The following RBMS3 variants were observed in gnomAD, a reference collection of about 807,000 sequenced individuals.
RBMS3 encodes the protein RNA binding motif single stranded interacting protein 3, also known as RNA-binding motif, single-stranded-interacting protein 3.
RBMS3 carries 27 observed loss-of-function variants against 66.8 expected under a neutral mutation model. The observed-to-expected ratio is 0.40, with a 90% CI of 0.30 to 0.56. RBMS3 has a LOEUF of 0.56. RBMS3 is among the 20% of genes least tolerant of loss of function. The pLI, the probability that RBMS3 is intolerant of heterozygous loss-of-function variation, is 0.40. For synonymous variants in RBMS3, 188 were observed against 183.0 expected, an observed-to-expected ratio of 1.03 and a Z score of -0.22; for missense variants, 513 against 549.5, an observed-to-expected ratio of 0.93 and a Z score of 0.66.
chr3:29,911,955 G>T (rs990134273), intron 10 of RBMS3, among the ~76,000 whole-genome samples: 2 of 151,732 alleles, frequency 1.3e-5, no homozygotes, highest in Non-Finnish European at 2.9e-5. Context: ...TCACATGATA[G>T]AAAAATGGAG....
At chr3:29,455,327 T>C (rs2042149870) in intron 2 of RBMS3, among the ~76,000 whole-genome samples, 1 of 152,214 alleles carries the variant, frequency 6.6e-6, no homozygotes, top group South Asian at 2.1e-4. Flanking sequence ...TTAAATTGTA[T>C]AGTAAATAAA....
At chr3:29,669,183 G>C (rs1057243300) in intron 4 of RBMS3, among the ~76,000 whole-genome samples, 2 of 152,232 alleles carry the variant, frequency 1.3e-5, no homozygotes, top group African/African-American at 4.8e-5. Flanking sequence ...CCTCATGGGA[G>C]AGACCAAAGC....
chr3:30,009,922 C>T lies in RBMS3; in HGVS notation c.*6060C>T, dbSNP rs1052456213. ...TAAGTTATTCCATGCTTTTCAGGAACTGTAAAAATTATTTCAAAAAGATAT... is the reference window on the plus strand; with the variant it reads ...TAAGTTATTCCATGCTTTTCAGGAATTGTAAAAATTATTTCAAAAAGATAT... On this transcript the variant is annotated 3_prime_UTR_variant, in exon 15 of 15. Coordinates refer to ENST00000383767, the MANE Select transcript of RBMS3 (RefSeq NM_001003793.3). The T allele has an allele frequency of 3.3e-5, 5 of 151,410 alleles. No individual in the cohort carries two copies. Among genetic ancestry groups the T allele is most frequent in the Admixed American group, 1.3e-4 (2 of 15,132 alleles). 9.4% of individuals were successfully genotyped at this position (151,410 alleles called of 1,614,324 possible). A position where few individuals can be genotyped will look rare whatever the true frequency, so the allele number is the denominator to read the frequency against.
At chr3:29,703,575 A>T (rs934360554) in intron 4 of RBMS3, among the ~76,000 whole-genome samples, 1 of 152,214 alleles carries the variant, frequency 6.6e-6, no homozygotes, top group East Asian at 1.9e-4. Flanking sequence ...GTAGGTCTAA[A>T]GTTCTACCCT....
At chr3:29,671,558 C>G (rs539895543) in intron 4 of RBMS3, among the ~76,000 whole-genome samples, 131 of 152,266 alleles carry the variant, frequency 8.6e-4, no homozygotes, top group African/African-American at 2.8e-3. Context: ...GAATGGCTAA[C>G]TAGAATAAAC....
chr3:29,499,444 C>T (rs2043882449), intron 3 of RBMS3, among the ~76,000 whole-genome samples: 1 of 152,138 alleles, frequency 6.6e-6, no homozygotes, highest in Non-Finnish European at 1.5e-5. Flanking sequence ...GGTGAATGTA[C>T]CACTTGATAT....
chr3:29,819,985 A>C (rs1459630079), intron 6 of RBMS3, among the ~76,000 whole-genome samples: 1 of 152,048 alleles, frequency 6.6e-6, no homozygotes, highest in African/African-American at 2.4e-5. Flanking sequence ...ACTTGAGTCC[A>C]GGAGTTTGAG....
chr3:29,799,140 G>T (rs928631673), intron 6 of RBMS3, among the ~76,000 whole-genome samples: 3 of 152,070 alleles, frequency 2.0e-5, no homozygotes, highest in African/African-American at 7.2e-5. Flanking sequence ...TCCATAAATG[G>T]AGTTGACCTA....
intron 4 of RBMS3, among the ~76,000 whole-genome samples, chr3:29,662,810 T>C (rs2050607658): frequency 6.6e-6 from 1 of 152,230 alleles, no homozygotes; most frequent in African/African-American, 2.4e-5. Context: ...ACCAATGATT[T>C]GGTAATACAA....
At chr3:29,516,765 G>C (rs1381929551) in intron 3 of RBMS3, among the ~76,000 whole-genome samples, 2 of 152,050 alleles carry the variant, frequency 1.3e-5, no homozygotes, top group Non-Finnish European at 2.9e-5. Flanking sequence ...AGAGAAAGGG[G>C]AGCAATATCA....
At chr3:29,992,137 C>T (rs960326927) in intron 14 of RBMS3, among the ~76,000 whole-genome samples, 1 of 152,010 alleles carries the variant, frequency 6.6e-6, no homozygotes, top group East Asian at 1.9e-4. Context: ...ATAGAGAATC[C>T]CCCGACAATC....
chr3:29,518,864 T>C (rs970322343), intron 3 of RBMS3, among the ~76,000 whole-genome samples: 7 of 152,144 alleles, frequency 4.6e-5, no homozygotes, highest in Non-Finnish European at 1.0e-4. Context: ...AAAAGACAAC[T>C]GTAGATGATA....
chr3:29,436,019 G>C (rs2041391506), intron 2 of RBMS3, among the ~76,000 whole-genome samples: 1 of 150,428 alleles, frequency 6.6e-6, no homozygotes, highest in Non-Finnish European at 1.5e-5. Flanking sequence ...TTTTTGGTTA[G>C]TATCTGATTA....
At chr3:29,344,691 C>A (rs1298018413) in intron 1 of RBMS3, among the ~76,000 whole-genome samples, 3 of 151,982 alleles carry the variant, frequency 2.0e-5, no homozygotes, top group African/African-American at 4.8e-5. Flanking sequence ...CCACCCAGAC[C>A]ACAAGGCAAG....
In RBMS3 at chr3:29,492,276, T is replaced by C. The variant is rs988985503; in HGVS notation, c.307+3777T>C. Among the ~76,000 whole-genome samples, 7 of 152,170 alleles carry C rather than the reference T, an allele frequency of 4.6e-5. No homozygotes were observed. In the East Asian group the frequency reaches 5.8e-4, roughly 13 times the overall value. On this transcript the variant is annotated intron_variant, in intron 3 of 14. Coordinates refer to ENST00000383767, the MANE Select transcript of RBMS3 (RefSeq NM_001003793.3). Reference sequence around the variant, plus strand: ...ACTATTTTAATGATATGCCGATGTATATTAGAGTATTTTCCTTTCAAAAAA... The same window carrying C: ...ACTATTTTAATGATATGCCGATGTACATTAGAGTATTTTCCTTTCAAAAAA...
chr3:29,532,236 G>GTATA (rs1559444666), intron 3 of RBMS3, among the ~76,000 whole-genome samples: 24 of 84,904 alleles, frequency 2.8e-4, no homozygotes, highest in African/African-American at 8.9e-4. Context: ...TTTTAATTTC[G>GTATA]CATATATATG....
intron 4 of RBMS3, among the ~76,000 whole-genome samples, chr3:29,632,170 A>G (rs1375762628): frequency 2.6e-5 from 4 of 151,962 alleles, no homozygotes; most frequent in African/African-American, 9.7e-5. Context: ...AGAGAAAAAT[A>G]CTATATTAAC....
At chr3:29,854,749 A>G (rs1401651260) in intron 6 of RBMS3, among the ~76,000 whole-genome samples, 1 of 152,228 alleles carries the variant, frequency 6.6e-6, no homozygotes, top group Non-Finnish European at 1.5e-5. Flanking sequence ...AGAGAGCTTT[A>G]TAGTAATGTA....
chr3:29,648,379 C>T, intron 4 of RBMS3, among the ~76,000 whole-genome samples: 1 of 149,180 alleles, frequency 6.7e-6, no homozygotes, highest in South Asian at 2.1e-4. Flanking sequence ...TCAAGTTATC[C>T]TCCCACCTCA....
Sources: allele counts gnomAD v4.1 joint callset (sites outside exome capture counted in the v4.1 genomes callset), GRCh38; gene constraint gnomAD v4.1.1; transcripts MANE v1.5; gene names NCBI Gene and HGNC (gene_info 2026-07-23, HGNC 2026-07-21).